The following PTPRG variants were observed in gnomAD, a reference collection of about 807,000 sequenced individuals.
PTPRG encodes the protein receptor-type tyrosine-protein phosphatase gamma.
A neutral mutation model predicts 165.3 loss-of-function variants in PTPRG; 102 were observed. The ratio of observed to expected loss-of-function variants is 0.62; its 90% confidence interval spans 0.53 to 0.73. PTPRG has a LOEUF of 0.73. PTPRG is among the 30% of genes least tolerant of loss of function. The pLI, the probability that PTPRG is intolerant of heterozygous loss-of-function variation, is 0.00. For synonymous variants in PTPRG, 675 were observed against 669.5 expected, an observed-to-expected ratio of 1.01 and a Z score of -0.13; for missense variants, 1,866 against 1,861.4, an observed-to-expected ratio of 1.00 and a Z score of -0.05.
intron 15 of PTPRG, among the ~76,000 whole-genome samples, chr3:62,244,871 A>C (rs1701255338): frequency 6.6e-6 from 1 of 152,192 alleles, no homozygotes; most frequent in Admixed American, 6.5e-5. Context: ...ATTTCCTTAA[A>C]GTTCTAAAAA....
intron 13 of PTPRG, among the ~76,000 whole-genome samples, chr3:62,230,170 G>A (rs544280177): frequency 1.3e-5 from 2 of 152,242 alleles, no homozygotes; most frequent in African/African-American, 4.8e-5. Flanking sequence ...TCCAAGTTTT[G>A]GTTCCTGTGC....
intron 8 of PTPRG, among the ~76,000 whole-genome samples, chr3:62,180,347 T>A (rs1045407423): frequency 2.6e-5 from 4 of 152,158 alleles, no homozygotes; most frequent in Non-Finnish European, 5.9e-5. Flanking sequence ...ACTACAACAT[T>A]GTCTCAGCAG....
At chr3:62,095,813 G>T (rs746301103) in intron 5 of PTPRG, among the ~76,000 whole-genome samples, 1 of 152,162 alleles carries the variant, frequency 6.6e-6, no homozygotes. Context: ...GTTAACTAGA[G>T]TGGAAATTAC....
At chr3:61,819,444 T>G (rs574134970) in intron 2 of PTPRG, among the ~76,000 whole-genome samples, 1 of 152,208 alleles carries the variant, frequency 6.6e-6, no homozygotes, top group Non-Finnish European at 1.5e-5. Flanking sequence ...TCCAGTGAAT[T>G]TGGGGAAGGA....
intron 27 of PTPRG, 126 bp downstream of exon 27, chr3:62,281,835 A>G (rs888619319): frequency 7.5e-6 from 7 of 935,260 alleles, no homozygotes; most frequent in African/African-American, 3.4e-5. Flanking sequence ...TTAATTTTAA[A>G]TATGTACATT....
chr3:61,881,012 G>A (rs2037874627), intron 2 of PTPRG, among the ~76,000 whole-genome samples: 1 of 136,626 alleles, frequency 7.3e-6, no homozygotes, highest in Non-Finnish European at 1.6e-5. Context: ...CCACTCATTT[G>A]TTACCCTCTT....
chr3:62,061,804 A>G (rs1445148590), intron 4 of PTPRG, among the ~76,000 whole-genome samples: 21 of 150,730 alleles, frequency 1.4e-4, no homozygotes, highest in Non-Finnish European at 2.5e-4. Context: ...TAATTTTTGT[A>G]TTTTTAGTAG....
At chr3:62,095,164 C>T (rs117525136) in intron 5 of PTPRG, among the ~76,000 whole-genome samples, 3 of 152,122 alleles carry the variant, frequency 2.0e-5, no homozygotes, top group Non-Finnish European at 4.4e-5. Context: ...GGTCATAAAG[C>T]GAAGAGAGAG....
chr3:62,064,504 C>CT (rs1700938282), intron 4 of PTPRG, among the ~76,000 whole-genome samples: 1 of 151,884 alleles, frequency 6.6e-6, no homozygotes, highest in South Asian at 2.1e-4. Flanking sequence ...CTTCCTTCCC[C>CT]TCCGTAGGTT....
intron 4 of PTPRG, among the ~76,000 whole-genome samples, chr3:62,061,432 C>G (rs373759138): frequency 3.3e-5 from 5 of 152,218 alleles, no homozygotes; most frequent in Non-Finnish European, 7.4e-5. Context: ...AGACTTTTGT[C>G]TTCATGAAGT....
chr3:61,835,284 A>C (rs966235695), intron 2 of PTPRG, among the ~76,000 whole-genome samples: 1 of 151,994 alleles, frequency 6.6e-6, no homozygotes, highest in East Asian at 1.9e-4. Flanking sequence ...TCCTGACTCT[A>C]CTGTTACTTT....
At chr3:62,261,595 CT>C (rs11374967) in intron 16 of PTPRG, among the ~76,000 whole-genome samples, 606 of 127,146 alleles carry the variant, frequency 4.8e-3, no homozygotes, top group East Asian at 8.4e-3. Context: ...GCCTGTGGGG[CT>C]TTTTTTTTTT....
intron 6 of PTPRG, among the ~76,000 whole-genome samples, chr3:62,143,025 G>T (rs996310043): frequency 6.6e-6 from 1 of 152,144 alleles, no homozygotes; most frequent in Non-Finnish European, 1.5e-5. Context: ...TCTAACCAAG[G>T]TCTTCCTGAC....
chr3:61,998,594 T>C lies in PTPRG; in HGVS notation c.371-4755T>C, dbSNP rs75865102. Among the ~76,000 whole-genome samples the C allele has an allele frequency of 7.9e-3, 1,198 of 152,262 alleles. 24 individuals carry two copies. The highest frequency in any genetic ancestry group is 0.028 in the African/African-American group (1,151 of 41,540). ...GGCTACAGAGTCCAGCTCCTAAGCT[T>C]CACGTGTGCCCCATGCTCAGAAATT... On this transcript the variant is annotated intron_variant, in intron 3 of 29. Transcript: ENST00000474889.
At position 61,729,065 on chromosome 3, in the gene PTPRG, A is replaced by AAACAAACAAAC. The variant is rs1553656321; in HGVS notation, c.86-19811_86-19810insCAAACAAACAA. On this transcript the variant is annotated intron_variant, in intron 1 of 29. Transcript: ENST00000474889. ...CGGCAGAGAGAGACCCTGTCTCAAAAAAACAAACAAACAAACAAACAAAAA... is the reference window on the plus strand; with the variant it reads ...CGGCAGAGAGAGACCCTGTCTCAAAAAACAAACAAACAAACAAACAAACAAACAAACAAAAA... Among the ~76,000 whole-genome samples, 86 of 151,656 alleles carry AAACAAACAAAC rather than the reference A, an allele frequency of 5.7e-4. No homozygotes were observed. In the East Asian group the frequency reaches 6.1e-3, roughly 11 times the overall value.
intron 4 of PTPRG, among the ~76,000 whole-genome samples, chr3:62,070,502 G>T (rs1017419495): frequency 1.3e-5 from 2 of 152,176 alleles, no homozygotes; most frequent in African/African-American, 4.8e-5. Context: ...TTTACAATGG[G>T]CAGCACTGTG....
intron 4 of PTPRG, among the ~76,000 whole-genome samples, chr3:62,007,517 A>G (rs1408064388): frequency 6.6e-6 from 1 of 152,094 alleles, no homozygotes; most frequent in East Asian, 1.9e-4. Context: ...AGATGCCCTC[A>G]CCTCCTGTTA....
intron 1 of PTPRG, among the ~76,000 whole-genome samples, chr3:61,565,959 A>C (rs927326663): frequency 5.9e-5 from 9 of 151,912 alleles, no homozygotes. Context: ...CCTCTCCCTC[A>C]TGTATCATGT....
chr3:62,078,361 C>T (rs1049385567), intron 5 of PTPRG, 103 bp downstream of exon 5: 1 of 690,848 alleles, frequency 1.4e-6, no homozygotes, highest in Non-Finnish European at 2.4e-6. Context: ...TTCTAGTTCA[C>T]ACCTGTCCAA....
Sources: gnomAD v4.1 joint callset for allele counts (sites outside exome capture counted in the v4.1 genomes callset) on GRCh38, gnomAD v4.1.1 for gene constraint, MANE v1.5 for transcripts, NCBI Gene and HGNC (gene_info 2026-07-23, HGNC 2026-07-21) for gene names.